GABPB1: variants seen among roughly 807,000 people sequenced by gnomAD.
GABPB1 encodes GA binding protein transcription factor subunit beta 1.
Under a neutral mutation model 45.9 loss-of-function variants are expected in GABPB1, and 15 were observed. The observed-to-expected ratio is 0.33, with a 90% CI of 0.22 to 0.50. The LOEUF (loss-of-function observed/expected upper bound fraction) is 0.50. Among genes scored for constraint, GABPB1 ranks in the 20% least tolerant of loss-of-function variants. The pLI, the probability that GABPB1 is intolerant of heterozygous loss-of-function variation, is 0.98. For synonymous variants in GABPB1, 143 were observed against 154.4 expected, an observed-to-expected ratio of 0.93 and a Z score of 0.55; for missense variants, 252 against 457.5, an observed-to-expected ratio of 0.55 and a Z score of 4.10.
chr15:50,302,176 A>G (rs973706173), intron 4 of GABPB1, among the ~76,000 whole-genome samples: 2 of 152,222 alleles, frequency 1.3e-5, no homozygotes, highest in African/African-American at 4.8e-5. Flanking sequence ...AAAGCCAAAA[A>G]CAACAGATAT....
intron 2 of GABPB1, among the ~76,000 whole-genome samples, chr15:50,308,707 C>T (rs1214900536): frequency 6.6e-6 from 1 of 152,136 alleles, no homozygotes; most frequent in Non-Finnish European, 1.5e-5. Context: ...TGGGTTCTTG[C>T]CTTCACTTAG....
At chr15:50,288,766 T>A (rs2046247968) in intron 7 of GABPB1, among the ~76,000 whole-genome samples, 1 of 152,182 alleles carries the variant, frequency 6.6e-6, no homozygotes, top group Admixed American at 6.6e-5. Context: ...AATGTTAGAA[T>A]TCACAATAAA....
intron 8 of GABPB1, among the ~76,000 whole-genome samples, chr15:50,283,067 T>G (rs1412867968): frequency 6.6e-6 from 1 of 151,984 alleles, no homozygotes; most frequent in Non-Finnish European, 1.5e-5. Flanking sequence ...TAAAATAAAA[T>G]TTACTAATAA....
intron 1 of GABPB1, among the ~76,000 whole-genome samples, chr15:50,334,809 C>T (rs1267156222): frequency 6.6e-6 from 1 of 152,176 alleles, no homozygotes; most frequent in East Asian, 1.9e-4. Flanking sequence ...ACAATCATTT[C>T]CTGTTCCCTA....
At chr15:50,341,832 C>T (rs2048385425) in intron 1 of GABPB1, among the ~76,000 whole-genome samples, 1 of 152,112 alleles carries the variant, frequency 6.6e-6, no homozygotes, top group South Asian at 2.1e-4. Flanking sequence ...AGAGATGGTA[C>T]CTTACTTCCC....
intron 4 of GABPB1, 105 bp from the exon 5 acceptor site, chr15:50,301,473 A>T (rs2046744769): frequency 9.9e-7 from 1 of 1,014,528 alleles, no homozygotes; most frequent in South Asian, 1.6e-5. Flanking sequence ...TCTAAGAAGA[A>T]TCACATAGTA....
chr15:50,282,780 C>T (rs920343394), intron 8 of GABPB1, among the ~76,000 whole-genome samples: 1 of 152,014 alleles, frequency 6.6e-6, no homozygotes, highest in Non-Finnish European at 1.5e-5. Flanking sequence ...TACAGCCGTG[C>T]GCAGTGGCTC....
At chr15:50,285,876 CTCAT>C in intron 8 of GABPB1, 188 bp downstream of exon 8, 1 of 1,358,042 alleles carries the variant, frequency 7.4e-7, no homozygotes, top group Non-Finnish European at 9.4e-7. Flanking sequence ...TCTTCACTCA[CTCAT>C]TCATTCATTC....
intron 8 of GABPB1, among the ~76,000 whole-genome samples, chr15:50,283,313 C>T (rs1272871414): frequency 1.3e-5 from 2 of 151,630 alleles, no homozygotes; most frequent in Non-Finnish European, 2.9e-5. Flanking sequence ...AAATTATATA[C>T]ATTATTGCAA....
chr15:50,341,515 A>G (rs1240523463), intron 1 of GABPB1, among the ~76,000 whole-genome samples: 1 of 152,068 alleles, frequency 6.6e-6, no homozygotes, highest in Non-Finnish European at 1.5e-5. Flanking sequence ...CCTGGGCAAC[A>G]AGAGTGAAAC....
chr15:50,281,373 A>G (rs1477199030), intron 8 of GABPB1, among the ~76,000 whole-genome samples: 2 of 129,656 alleles, frequency 1.5e-5, no homozygotes, highest in Admixed American at 8.0e-5. Flanking sequence ...CACCATGCTC[A>G]GCTAATTTTT....
rs190253003 is a variant in GABPB1, at chr15:50,317,802, G to A, written c.1-8004C>T. Among the ~76,000 whole-genome samples, 987 of 151,860 alleles carry A rather than the reference G, an allele frequency of 6.5e-3. 13 individuals are homozygous for A. Among genetic ancestry groups the A allele is most frequent in the African/African-American group, 0.023 (939 of 41,404 alleles). The stretch of plus-strand genomic sequence containing the variant: ...TGGGTGCCTGCAGTCCCAGCTACTC[G>A]GGAGGCTGAGGCAGGAGAATGGCGC... On this transcript the variant is annotated intron_variant, in intron 1 of 8. Transcript: ENST00000380877.
intron 1 of GABPB1, among the ~76,000 whole-genome samples, chr15:50,312,928 A>G (rs2047182523): frequency 6.6e-6 from 1 of 152,140 alleles, no homozygotes; most frequent in South Asian, 2.1e-4. Context: ...TGTCAAATAT[A>G]ACAAGTATTA....
intron 1 of GABPB1, among the ~76,000 whole-genome samples, chr15:50,330,534 C>T (rs1392695313): frequency 6.7e-6 from 1 of 149,522 alleles, no homozygotes; most frequent in Non-Finnish European, 1.5e-5. Context: ...CCTTCCTCAT[C>T]TCATACACAC....
rs1409468050 is a variant in GABPB1 at position 50,277,181 on chromosome 15, T to C, written c.*1451A>G. The C allele has an allele frequency of 6.6e-6, 1 of 152,200 alleles. No individual in the cohort carries two copies. The highest frequency in any genetic ancestry group is 1.5e-5 in the Non-Finnish European group (1 of 68,036). The allele number at this position is 152,200 out of a possible 1,614,324, so 9.4% of individuals were successfully genotyped here. On this transcript the variant is annotated 3_prime_UTR_variant, in exon 9 of 9. Coordinates refer to ENST00000380877, the MANE Select transcript of GABPB1 (RefSeq NM_016654.5). The stretch of plus-strand genomic sequence containing the variant: ...GAGAGTATAAAATATTTTCATATGG[T>C]GGCTCAAATATGCAGTAGGATAACA...
chr15:50,304,818 G>A (rs1178352978), intron 2 of GABPB1, among the ~76,000 whole-genome samples: 5 of 151,870 alleles, frequency 3.3e-5, no homozygotes, highest in African/African-American at 4.8e-5. Flanking sequence ...AGTTAACTTC[G>A]TCTGTAAAAT....
At chr15:50,351,082 C>A (rs543365969) in intron 1 of GABPB1, 10 of 152,210 alleles carry the variant, frequency 6.6e-5, no homozygotes, top group African/African-American at 2.4e-4. Flanking sequence ...TCCGTTCCTA[C>A]CCTACTTAAG....
At chr15:50,344,791 T>C (rs1334765106) in intron 1 of GABPB1, among the ~76,000 whole-genome samples, 1 of 152,036 alleles carries the variant, frequency 6.6e-6, no homozygotes, top group African/African-American at 2.4e-5. Flanking sequence ...TGAGCCAAGA[T>C]TGCGCCATTG....
intron 1 of GABPB1, chr15:50,354,325 C>A: frequency 2.2e-6 from 1 of 446,892 alleles, no homozygotes; most frequent in Non-Finnish European, 4.5e-6. Flanking sequence ...CTCCAGTCCC[C>A]GCGGCCAAGG....
Sources: allele counts gnomAD v4.1 joint callset (sites outside exome capture counted in the v4.1 genomes callset), GRCh38; gene constraint gnomAD v4.1.1; transcripts MANE v1.5; gene names NCBI Gene and HGNC (gene_info 2026-07-23, HGNC 2026-07-21).